COL19A1: variants seen among roughly 807,000 people sequenced by gnomAD.
The protein encoded by COL19A1 is collagen alpha-1(XIX) chain.
Under a neutral mutation model 190.2 loss-of-function variants are expected in COL19A1, and 159 were observed. That is an observed-to-expected ratio of 0.84 (90% CI 0.73 to 0.95). The LOEUF (loss-of-function observed/expected upper bound fraction) is 0.95, where lower values mean the gene tolerates loss of function less well. COL19A1 is among the 40% of genes least tolerant of loss of function. COL19A1 has a pLI of 0.00. For synonymous variants in COL19A1, 509 were observed against 458.9 expected, an observed-to-expected ratio of 1.11 and a Z score of -1.39; for missense variants, 1,418 against 1,431.9, an observed-to-expected ratio of 0.99 and a Z score of 0.16.
Position 70,137,835 on chromosome 6 carries a change from C to T in COL19A1, c.1446+88C>T, listed in dbSNP as rs998183426. 15 of 1,276,904 alleles carry T rather than the reference C, an allele frequency of 1.2e-5. No individual in the cohort carries two copies. In the African/African-American group the frequency reaches 1.6e-4, roughly 14 times the overall value. 79.1% of individuals were successfully genotyped at this position (1,276,904 alleles called of 1,614,324 possible). A position where few individuals can be genotyped will look rare whatever the true frequency, so the allele number is the denominator to read the frequency against. On this transcript the variant is annotated intron_variant, in intron 19 of 50. Coordinates refer to ENST00000620364, the MANE Select transcript of COL19A1 (RefSeq NM_001858.6). Reference sequence around the variant, plus strand: ...TCCAAATCAGCCCCAATTCCACGTGCCTTGGTTGATCCTGTCATGGGAAAC... The same window carrying T: ...TCCAAATCAGCCCCAATTCCACGTGTCTTGGTTGATCCTGTCATGGGAAAC...
At chr6:70,061,547 G>A (rs976274675) in intron 14 of COL19A1, among the ~76,000 whole-genome samples, 2 of 151,934 alleles carry the variant, frequency 1.3e-5, no homozygotes, top group Admixed American at 6.6e-5. Flanking sequence ...TATTTTTTGC[G>A]TTTGTTAAAT....
intron 31 of COL19A1, 78 bp from the exon 32 acceptor site, chr6:70,156,049 A>T: frequency 7.9e-7 from 1 of 1,270,492 alleles, no homozygotes; most frequent in Non-Finnish European, 1.1e-6. Context: ...TTCCAAAAAA[A>T]CTTCACATCA....
At chr6:70,201,138 G>A (rs1010210025) in intron 49 of COL19A1, among the ~76,000 whole-genome samples, 1 of 152,214 alleles carries the variant, frequency 6.6e-6, no homozygotes, top group African/African-American at 2.4e-5. Context: ...GCCACGTGAA[G>A]AATAAGCAGC....
chr6:70,038,468 A>G (rs1231253822), intron 14 of COL19A1, among the ~76,000 whole-genome samples: 8 of 152,260 alleles, frequency 5.3e-5, no homozygotes, highest in Non-Finnish European at 1.0e-4. Context: ...TCCAACTTCC[A>G]TTTGAAATCC....
chr6:69,900,062 AT>A (rs1770068971), intron 3 of COL19A1, among the ~76,000 whole-genome samples, 176 bp from the exon 4 acceptor site: 1 of 152,164 alleles, frequency 6.6e-6, no homozygotes, highest in Admixed American at 6.5e-5. Context: ...TGCAAAGTGA[AT>A]TTCATTCTCT....
At chr6:70,063,394 T>C (rs1355822096) in intron 14 of COL19A1, among the ~76,000 whole-genome samples, 1 of 151,918 alleles carries the variant, frequency 6.6e-6, no homozygotes, top group Non-Finnish European at 1.5e-5. Context: ...GGGTACATAA[T>C]GAAATGAAGA....
chr6:70,200,179 A>G (rs1467217107), intron 49 of COL19A1, among the ~76,000 whole-genome samples: 1 of 152,210 alleles, frequency 6.6e-6, no homozygotes, highest in African/African-American at 2.4e-5. Context: ...ATTTGGTTCT[A>G]AAATATATTT....
rs34661203 is a variant in COL19A1 at position 70,144,263 on chromosome 6, G to T, written c.1680G>T (p.Lys560Asn). The change falls in exon 24 of 51, where the codon AAG (lysine) becomes AAT (asparagine). Residue 560 changes from lysine to asparagine, a missense_variant and splice_region_variant. By Grantham distance (94) the Lys-to-Asn change is moderately conservative (BLOSUM62 0). Coordinates refer to ENST00000620364, the MANE Select transcript of COL19A1 (RefSeq NM_001858.6). ...GAAAACAAGGCATTAAAGGAGAAAA[G>T]GTATAGTTTACATTTTCCTCATTTT... ...IPGKQGIKGE[K>N]GDPGGIIGPP... is the part of the protein sequence containing the mutation. 5.0e-6 allele frequency: 8 copies of T among 1,611,176 alleles called. No homozygotes were observed. Among genetic ancestry groups the T allele is most frequent in the Non-Finnish European group, 6.8e-6 (8 of 1,177,944 alleles).
At chr6:70,054,803 A>C (rs1407366097) in intron 14 of COL19A1, among the ~76,000 whole-genome samples, 1 of 152,184 alleles carries the variant, frequency 6.6e-6, no homozygotes, top group Non-Finnish European at 1.5e-5. Flanking sequence ...TCAAGATTTT[A>C]AAGGTGAAAA....
intron 14 of COL19A1, among the ~76,000 whole-genome samples, chr6:70,059,982 T>C (rs1027480511): frequency 6.6e-6 from 1 of 152,204 alleles, no homozygotes; most frequent in Non-Finnish European, 1.5e-5. Context: ...TAATTAAGAC[T>C]ATGATTCTCT....
intron 4 of COL19A1, among the ~76,000 whole-genome samples, chr6:69,904,376 C>T (rs1034610382): frequency 6.6e-6 from 1 of 152,188 alleles, no homozygotes; most frequent in Non-Finnish European, 1.5e-5. Context: ...GGCACAGATA[C>T]AGCCACTGAC....
intron 25 of COL19A1, 48 bp downstream of exon 25, chr6:70,145,055 T>A: frequency 7.6e-7 from 1 of 1,315,606 alleles, no homozygotes; most frequent in Non-Finnish European, 1.1e-6. Flanking sequence ...GTTCATTAAT[T>A]ACTACTTGTG....
Position 69,900,318 on chromosome 6 carries a change from A to C in COL19A1, c.246A>C (p.Ala82=), listed in dbSNP as rs1770096253. The change falls in exon 4 of 51, where the codon GCA becomes GCC. Residue 82 remains alanine, a synonymous_variant. Coordinates refer to ENST00000620364, the MANE Select transcript of COL19A1 (RefSeq NM_001858.6). ...AAACCTGTTTCAAATTGGGAAGTGCACTTCTTATTAGAGACACTATGTAAG... is the reference window on the plus strand; with the variant it reads ...AAACCTGTTTCAAATTGGGAAGTGCCCTTCTTATTAGAGACACTATGTAAG... ...SDKTCFKLGS[A]LLIRDTIKIF... 6.3e-7 allele frequency: 1 copy of C among 1,581,064 alleles called. No homozygotes were observed. Among genetic ancestry groups the C allele is most frequent in the Non-Finnish European group, 8.6e-7 (1 of 1,161,812 alleles).
At chr6:70,105,402 C>T (rs1271631347) in intron 16 of COL19A1, among the ~76,000 whole-genome samples, 2 of 152,124 alleles carry the variant, frequency 1.3e-5, no homozygotes, top group Admixed American at 6.5e-5. Context: ...GTGATCCACT[C>T]GCCTCAGCCT....
chr6:69,913,368 C>A (rs936653306), intron 4 of COL19A1, among the ~76,000 whole-genome samples: 2 of 152,188 alleles, frequency 1.3e-5, no homozygotes, highest in South Asian at 2.1e-4. Context: ...TGAATAGAAA[C>A]AGTCCCCTCC....
intron 4 of COL19A1, among the ~76,000 whole-genome samples, chr6:69,921,614 G>A (rs572097873): frequency 4.2e-5 from 6 of 142,590 alleles, no homozygotes; most frequent in South Asian, 4.4e-4. Context: ...ATATAGATTC[G>A]TATACGTATA....
chr6:70,027,385 A>G (rs530492518), intron 12 of COL19A1, among the ~76,000 whole-genome samples: 1 of 152,328 alleles, frequency 6.6e-6, no homozygotes, highest in African/African-American at 2.4e-5. Flanking sequence ...GTCTTTCTCA[A>G]TGTGGCACTC....
At chr6:70,090,675 A>G (rs892383270) in intron 15 of COL19A1, among the ~76,000 whole-genome samples, 2 of 152,116 alleles carry the variant, frequency 1.3e-5, no homozygotes, top group African/African-American at 4.8e-5. Flanking sequence ...TTTGGTGGCA[A>G]TTTTACCTTC....
At chr6:70,184,285 T>C (rs1766369456) in intron 44 of COL19A1, among the ~76,000 whole-genome samples, 1 of 152,220 alleles carries the variant, frequency 6.6e-6, no homozygotes, top group South Asian at 2.1e-4. Context: ...GTAACAAAAA[T>C]GCCATACTCC....
Sources: gnomAD v4.1 joint callset for allele counts (sites outside exome capture counted in the v4.1 genomes callset) on GRCh38, gnomAD v4.1.1 for gene constraint, MANE v1.5 for transcripts, NCBI Gene and HGNC (gene_info 2026-07-23, HGNC 2026-07-21) for gene names.